Variants in ADAMTSL1 observed in about 807,000 individuals in gnomAD.
ADAMTSL1 encodes the protein ADAMTS like 1.
In ADAMTSL1, 126 loss-of-function variants were observed where a neutral mutation model predicts 201.8. That is an observed-to-expected ratio of 0.62 (90% CI 0.54 to 0.72). ADAMTSL1 has a LOEUF of 0.72. ADAMTSL1 is among the 30% of genes least tolerant of loss of function. The pLI, the probability that ADAMTSL1 is intolerant of heterozygous loss-of-function variation, is 0.00. For missense variants in ADAMTSL1, 2,679 were observed against 2,277.8 expected (o/e 1.18, Z -3.59); for synonymous variants, 1,121 against 903.4 (o/e 1.24, Z -4.32).
chr9:18,243,294 T>C (rs1831137180), intron 2 of ADAMTSL1, among the ~76,000 whole-genome samples: 1 of 152,094 alleles, frequency 6.6e-6, no homozygotes, highest in Non-Finnish European at 1.5e-5. Flanking sequence ...CTCTTGTAAT[T>C]CTTCCAAAAT....
At position 18,681,693 on chromosome 9, in the gene ADAMTSL1, C is replaced by CGT. The variant is rs1350885896; in HGVS notation, c.1342-115_1342-114dup. ...GTGGTATAAATTTACCAGGAGTCCT[C>CGT]GTGTGGGGGGGGGGGGCGGGGAAAA... is the stretch of plus-strand genomic sequence containing the variant. On this transcript the variant is annotated intron_variant, in intron 11 of 28. Transcript: ENST00000380548. 173 of 293,542 alleles carry CGT rather than the reference C, an allele frequency of 5.9e-4. 4 individuals are homozygous for CGT. In the African/African-American group the frequency reaches 8.7e-3, roughly 15 times the overall value. The allele number at this position is 293,542 out of a possible 1,614,324, so 18.2% of individuals were successfully genotyped here. A position where few individuals can be genotyped will look rare whatever the true frequency, so the allele number is the denominator to read the frequency against.
At chr9:18,641,661 C>G (rs1216005517) in intron 7 of ADAMTSL1, among the ~76,000 whole-genome samples, 1 of 151,888 alleles carries the variant, frequency 6.6e-6, no homozygotes, top group Non-Finnish European at 1.5e-5. Context: ...TTTGCTTAAA[C>G]TTTAAAAGGA....
intron 2 of ADAMTSL1, among the ~76,000 whole-genome samples, chr9:18,203,832 C>T (rs948621885): frequency 1.1e-4 from 16 of 152,032 alleles, no homozygotes; most frequent in African/African-American, 3.4e-4. Context: ...ACATAAACAC[C>T]GTCAGTGGAA....
At chr9:18,080,377 C>G (rs914684662) in intron 1 of ADAMTSL1, among the ~76,000 whole-genome samples, 21 of 152,130 alleles carry the variant, frequency 1.4e-4, no homozygotes, top group Admixed American at 1.2e-3. Context: ...AGGAGGATAC[C>G]TACAAGATGC....
At chr9:18,728,460 A>AG (rs1374135671) in intron 15 of ADAMTSL1, among the ~76,000 whole-genome samples, 3 of 152,100 alleles carry the variant, frequency 2.0e-5, no homozygotes, top group Admixed American at 2.0e-4. Context: ...CCCAATTCAG[A>AG]GAAAAAAAAA....
intron 2 of ADAMTSL1, among the ~76,000 whole-genome samples, chr9:18,183,873 CTGAGAAATTAAATTTTATATAG>C (rs1483315121): frequency 6.6e-6 from 1 of 152,074 alleles, no homozygotes; most frequent in Non-Finnish European, 1.5e-5. Context: ...TGAATTTGCA[CTGAGAAATTAAATTTTATATAG>C]TTGAAACAAG....
chr9:18,504,736 T>C (rs1021947230), intron 1 of ADAMTSL1, 93 bp from the exon 2 acceptor site: 43 of 1,567,476 alleles, frequency 2.7e-5, no homozygotes, highest in Non-Finnish European at 3.5e-5. Context: ...AAAGCCACCA[T>C]GTACACACAC....
At chr9:18,648,881 T>C (rs1259187925) in intron 7 of ADAMTSL1, among the ~76,000 whole-genome samples, 1 of 152,198 alleles carries the variant, frequency 6.6e-6, no homozygotes, top group Non-Finnish European at 1.5e-5. Context: ...GTTGCTCTTC[T>C]CGAGGAGTAC....
intron 3 of ADAMTSL1, among the ~76,000 whole-genome samples, chr9:18,549,917 A>G (rs1167892755): frequency 6.6e-6 from 1 of 151,968 alleles, no homozygotes; most frequent in African/African-American, 2.4e-5. Flanking sequence ...CTGCAGAATC[A>G]AAATCTTCAG....
Position 18,205,926 on chromosome 9 carries a change from C to T in ADAMTSL1, c.207+41945C>T, listed in dbSNP as rs142295659. ...AAAATTAGCCAGGCATGATGGCATG[C>T]GCCTGTAATCCCAGCTACTTGGGAG... On this transcript the variant is annotated intron_variant, in intron 2 of 29. Transcript: ENST00000680146. Among the ~76,000 whole-genome samples, 750 of 151,638 alleles carry T rather than the reference C, an allele frequency of 4.9e-3. 5 individuals are homozygous for T. Among genetic ancestry groups the T allele is most frequent in the African/African-American group, 0.017 (701 of 41,336 alleles).
chr9:18,626,159 G>A (rs572682287), intron 5 of ADAMTSL1, among the ~76,000 whole-genome samples: 143 of 152,248 alleles, frequency 9.4e-4, no homozygotes, highest in Middle Eastern at 3.4e-3. Context: ...CATATTTAAT[G>A]GGCACCTGCT....
chr9:17,968,569 G>A (rs1385848768), intron 1 of ADAMTSL1, among the ~76,000 whole-genome samples: 1 of 152,070 alleles, frequency 6.6e-6, no homozygotes, highest in African/African-American at 2.4e-5. Context: ...TTGATTCTTA[G>A]GTTGGCACCA....
At chr9:18,019,965 C>G (rs1441945499) in intron 1 of ADAMTSL1, among the ~76,000 whole-genome samples, 1 of 152,046 alleles carries the variant, frequency 6.6e-6, no homozygotes, top group African/African-American at 2.4e-5. Context: ...CCAGTGACTT[C>G]CTTATGCCTC....
intron 3 of ADAMTSL1, among the ~76,000 whole-genome samples, chr9:18,547,981 A>T (rs1470342466): frequency 6.6e-6 from 1 of 150,648 alleles, no homozygotes; most frequent in East Asian, 1.9e-4. Flanking sequence ...TAGGAAAAAA[A>T]TATATATATA....
chr9:18,794,027 T>TA (rs199713694), intron 19 of ADAMTSL1, among the ~76,000 whole-genome samples: 2,106 of 146,426 alleles, frequency 0.014, 35 homozygotes, highest in African/African-American at 0.042. Flanking sequence ...CTTTTCAGAT[T>TA]AAAAAAAAAA....
At chr9:18,038,461 A>G (rs1332631190) in intron 1 of ADAMTSL1, among the ~76,000 whole-genome samples, 1 of 152,188 alleles carries the variant, frequency 6.6e-6, no homozygotes, top group African/African-American at 2.4e-5. Flanking sequence ...CTTTAAATAA[A>G]AGTCCAGATT....
At position 18,033,912 on chromosome 9, in the gene ADAMTSL1, A is replaced by G. The variant is rs141154044; in HGVS notation, c.87+126990A>G. On this transcript the variant is annotated intron_variant, in intron 1 of 29. Transcript: ENST00000680146. ...GGTTATTTTCTTCTTTAACTTTTGTATACATTATCACAATAAAGTCCTTCT... is the reference window on the plus strand; with the variant it reads ...GGTTATTTTCTTCTTTAACTTTTGTGTACATTATCACAATAAAGTCCTTCT... Among the ~76,000 whole-genome samples, 33 of 152,298 alleles carry G rather than the reference A, an allele frequency of 2.2e-4. No homozygotes were observed. The East Asian group carries it at 3.9e-3, about 18-fold the overall frequency.
intron 1 of ADAMTSL1, among the ~76,000 whole-genome samples, chr9:17,945,497 C>G (rs188519556): frequency 6.6e-6 from 1 of 151,794 alleles, no homozygotes; most frequent in Non-Finnish European, 1.5e-5. Flanking sequence ...AATCATGTGG[C>G]TGTAAAGACA....
chr9:18,240,362 G>A (rs1023893908), intron 2 of ADAMTSL1, among the ~76,000 whole-genome samples: 1 of 149,286 alleles, frequency 6.7e-6, no homozygotes, highest in Non-Finnish European at 1.5e-5. Flanking sequence ...TTTCTAAGCA[G>A]CAAGTATTAA....
Sources: allele counts gnomAD v4.1 joint callset (sites outside exome capture counted in the v4.1 genomes callset), GRCh38; gene constraint gnomAD v4.1.1; transcripts MANE v1.5; gene names NCBI Gene and HGNC (gene_info 2026-07-23, HGNC 2026-07-21).